Variants in IFT140 observed in about 807,000 individuals in gnomAD.
IFT140 encodes the protein intraflagellar transport 140.
IFT140 carries 133 observed loss-of-function variants against 164.6 expected under a neutral mutation model. The ratio of observed to expected loss-of-function variants is 0.81; its 90% CI spans 0.70 to 0.93. IFT140 has a LOEUF of 0.93. Among genes scored for constraint, IFT140 ranks in the 40% least tolerant of loss-of-function variants. IFT140 has a pLI of 0.00. For missense variants in IFT140, 2,045 were observed against 1,972.3 expected, an observed-to-expected ratio of 1.04 and a Z score of -0.70; for synonymous variants, 860 against 817.3, an observed-to-expected ratio of 1.05 and a Z score of -0.89.
chr16:1,566,201 G>T lies in IFT140; in HGVS notation c.1861C>A (p.Arg621=). The change falls in exon 16 of 31, where the codon CGG becomes AGG. Residue 621 remains arginine, a synonymous_variant. Coordinates refer to ENST00000426508, the MANE Select transcript of IFT140 (RefSeq NM_014714.4). The stretch of plus-strand genomic sequence containing the variant: ...TCATTAAAGGACAGCGTCTCTCTCC[G>T]ATCAATTTGTCCAGTCTTGAAGTCA... ...VFDFKTGQID[R]RETLSFNEQE... 1 of 1,613,650 alleles carries T rather than the reference G, an allele frequency of 6.2e-7. No homozygotes were observed. The highest frequency in any genetic ancestry group is 8.5e-7 in the Non-Finnish European group (1 of 1,179,634).
intron 19 of IFT140, among the ~76,000 whole-genome samples, chr16:1,546,202 G>A (rs1463197440): frequency 6.6e-6 from 1 of 152,230 alleles, no homozygotes; most frequent in African/African-American, 2.4e-5. Flanking sequence ...GCCTCTGATG[G>A]CTGCAGCCAC....
intron 14 of IFT140, 46 bp from the exon 15 acceptor site, chr16:1,568,380 C>T (rs1596380209): frequency 7.6e-6 from 11 of 1,450,510 alleles, no homozygotes; most frequent in East Asian, 2.3e-5. Context: ...AGGCCCAGTT[C>T]CCAATTCTCC....
chr16:1,557,706 G>A, intron 19 of IFT140: 1 of 548,632 alleles, frequency 1.8e-6, no homozygotes, highest in South Asian at 2.4e-5. Context: ...CCACTAGGAA[G>A]CAGCTAAACA....
intron 3 of IFT140, among the ~76,000 whole-genome samples, chr16:1,603,071 C>G (rs1378270069): frequency 6.6e-6 from 1 of 152,170 alleles, no homozygotes; most frequent in Non-Finnish European, 1.5e-5. Context: ...TAAAAACGCA[C>G]CAACCTTGCC....
At chr16:1,589,499 G>A in intron 7 of IFT140, 106 bp downstream of exon 7, 1 of 1,165,736 alleles carries the variant, frequency 8.6e-7, no homozygotes, top group Non-Finnish European at 1.2e-6. Context: ...CAGTTGATAG[G>A]CTTTTTTTCA....
intron 15 of IFT140, among the ~76,000 whole-genome samples, chr16:1,567,352 G>A (rs939033412): frequency 6.6e-6 from 1 of 152,170 alleles, no homozygotes; most frequent in Admixed American, 6.5e-5. Flanking sequence ...CCTTCACCAC[G>A]AGTGCAGACC....
At chr16:1,540,765 T>G in intron 19 of IFT140, 1 of 919,804 alleles carries the variant, frequency 1.1e-6, no homozygotes, top group Non-Finnish European at 1.3e-6. Context: ...GCAAGTCATT[T>G]AAAAAGGTGC....
At chr16:1,539,623 ACT>A (rs2031431524) in intron 19 of IFT140, among the ~76,000 whole-genome samples, 1 of 152,142 alleles carries the variant, frequency 6.6e-6, no homozygotes, top group East Asian at 1.9e-4. Flanking sequence ...ATGGTTTCTA[ACT>A]CTGCAGTTAC....
chr16:1,611,292 C>G (rs2142149984), intron 1 of IFT140, among the ~76,000 whole-genome samples: 1 of 152,246 alleles, frequency 6.6e-6, no homozygotes, highest in East Asian at 1.9e-4. Context: ...ATCGTTGGAG[C>G]CCAGGAGTTC....
intron 19 of IFT140, chr16:1,541,282 G>C: frequency 1.0e-6 from 1 of 985,248 alleles, no homozygotes; most frequent in Non-Finnish European, 1.2e-6. Context: ...CAGGAGGTGA[G>C]GGGGGCAGGT....
At chr16:1,584,526 A>G (rs1450215355) in intron 10 of IFT140, 106 bp from the exon 11 acceptor site, 1 of 857,016 alleles carries the variant, frequency 1.2e-6, no homozygotes, top group Non-Finnish European at 1.8e-6. Flanking sequence ...AACCATTTCC[A>G]AGTACCATTG....
At chr16:1,537,320 C>T (rs1262588890) in intron 19 of IFT140, among the ~76,000 whole-genome samples, 1 of 152,238 alleles carries the variant, frequency 6.6e-6, no homozygotes, top group Non-Finnish European at 1.5e-5. Flanking sequence ...TGGATGTCTC[C>T]GGACGGCTCT....
At chr16:1,513,654 C>T (rs2040243209) in intron 30 of IFT140, among the ~76,000 whole-genome samples, 2 of 150,702 alleles carry the variant, frequency 1.3e-5, no homozygotes, top group East Asian at 2.0e-4. Flanking sequence ...GGCAGGCTTC[C>T]TGCTTCTCAC....
Position 1,520,103 on chromosome 16 carries a change from C to A in IFT140, c.3873+28G>T, listed in dbSNP as rs1247874048. On this transcript the variant is annotated intron_variant, in intron 28 of 30. Coordinates refer to ENST00000426508, the MANE Select transcript of IFT140 (RefSeq NM_014714.4). ...GGGCTCCACAGCCCTCCCCGGGGCCCCGCTGGCATGCCAGGGAGGGCCTGC... is the reference window on the plus strand; with the variant it reads ...GGGCTCCACAGCCCTCCCCGGGGCCACGCTGGCATGCCAGGGAGGGCCTGC... The A allele has an allele frequency of 6.2e-6, 10 of 1,611,634 alleles. No individual in the cohort carries two copies. The African/African-American group carries it at 1.3e-4, about 22-fold the overall frequency.
chr16:1,525,415 C>T (rs2040658608), intron 21 of IFT140, 89 bp from the exon 22 acceptor site: 3 of 984,074 alleles, frequency 3.0e-6, no homozygotes, highest in South Asian at 2.6e-5. Flanking sequence ...CGGTGAAACG[C>T]ATCAGAGCGG....
At chr16:1,591,619 T>C (rs1361580525) in intron 6 of IFT140, among the ~76,000 whole-genome samples, 2 of 152,172 alleles carry the variant, frequency 1.3e-5, no homozygotes, top group African/African-American at 4.8e-5. Context: ...TTTAACTTCA[T>C]ATTGCATTTA....
intron 4 of IFT140, 36 bp from the exon 5 acceptor site, chr16:1,592,624 TCCCGGCAGAGCGA>T: frequency 6.3e-7 from 1 of 1,588,030 alleles, no homozygotes; most frequent in South Asian, 1.1e-5. Context: ...AGGACAGGTG[TCCCGGCAGAGCGA>T]CTGGTGGAGG....
intron 19 of IFT140, among the ~76,000 whole-genome samples, chr16:1,538,159 G>A (rs1187431517): frequency 1.3e-5 from 2 of 152,240 alleles, no homozygotes; most frequent in African/African-American, 4.8e-5. Flanking sequence ...TCGGGCAGGA[G>A]TGCCTCCTTC....
intron 19 of IFT140, 77 bp from the exon 20 acceptor site, chr16:1,526,873 G>A (rs887276751): frequency 2.1e-6 from 3 of 1,451,756 alleles, no homozygotes; most frequent in Non-Finnish European, 2.8e-6. Context: ...CTTCTCCTGG[G>A]GCAAGTAGTC....
Sources: gnomAD v4.1 joint callset for allele counts (sites outside exome capture counted in the v4.1 genomes callset) on GRCh38, gnomAD v4.1.1 for gene constraint, MANE v1.5 for transcripts, NCBI Gene and HGNC (gene_info 2026-07-23, HGNC 2026-07-21) for gene names.